Variants in ITGB2 observed in about 807,000 individuals in gnomAD.
The protein encoded by ITGB2 is integrin beta-2.
A neutral mutation model predicts 86.8 loss-of-function variants in ITGB2; 56 were observed. The ratio of observed to expected loss-of-function variants is 0.65; its 90% CI spans 0.52 to 0.81. ITGB2 has a LOEUF of 0.81. Ranked by LOEUF, ITGB2 falls within the 30% of genes least tolerant of loss-of-function variation. The probability of loss-of-function intolerance (pLI) is 0.00; values close to 1 mark genes in which losing one functional copy is unlikely to be tolerated. For synonymous variants in ITGB2, 457 were observed against 450.4 expected, an observed-to-expected ratio of 1.01 and a Z score of -0.19; for missense variants, 948 against 1,061.2, an observed-to-expected ratio of 0.89 and a Z score of 1.48.
chr21:44,907,047 G>T lies in ITGB2; in HGVS notation c.196C>A (p.Pro66Thr), dbSNP rs766175579. 12 of 1,612,376 alleles carry T rather than the reference G, an allele frequency of 7.4e-6. No individual in the cohort carries two copies. The East Asian group carries it at 2.7e-4, about 36-fold the overall frequency. ...DPDSIRCDTR[P>T]QLLMRGCAAD... ...GCACAGCCCCTCATGAGCAGCTGTG[G>T]CCGGGTGTCGCAGCGAATGGAGTCA... The change falls in exon 4 of 16, where the codon CCA (proline) becomes ACA (threonine). Residue 66 changes from proline (P) to threonine (T), a missense_variant. Pro to Thr is a conservative substitution (Grantham distance 38, BLOSUM62 -1). Coordinates refer to ENST00000652462, the MANE Select transcript of ITGB2 (RefSeq NM_000211.5).
chr21:44,902,670 C>A (rs552055713), intron 5 of ITGB2, among the ~76,000 whole-genome samples: 2 of 150,960 alleles, frequency 1.3e-5, no homozygotes, highest in Non-Finnish European at 2.9e-5. Flanking sequence ...CATGTGTGAG[C>A]GTGCATTTGC....
chr21:44,888,932 G>T, intron 13 of ITGB2, 37 bp from the exon 14 acceptor site: 2 of 1,586,178 alleles, frequency 1.3e-6, no homozygotes, highest in Non-Finnish European at 1.7e-6. Flanking sequence ...GTGCCAGGGT[G>T]TGCGGGGGCT....
At chr21:44,898,387 C>T (rs568557387) in intron 8 of ITGB2, among the ~76,000 whole-genome samples, 4 of 152,346 alleles carry the variant, frequency 2.6e-5, no homozygotes, top group East Asian at 1.9e-4. Flanking sequence ...CCTCCCACCT[C>T]GGGCAGCGGC....
In ITGB2 at chr21:44,889,348, T is replaced by G; in HGVS notation, c.1805A>C (p.Glu602Ala). Reference protein sequence around the residue: ...GRGRCRCNVCECHSGYQLPLC... With the variant: ...GRGRCRCNVCACHSGYQLPLC... ...AGGCAGCTGGTAGCCTGAATGGCAC[T>G]CGCATACGTTGCAGCGGCACCGGCC... Residue 602 changes from glutamate to alanine, a missense_variant, in exon 13 of 16, where the codon GAG becomes GCG. Coordinates refer to ENST00000652462, the MANE Select transcript of ITGB2 (RefSeq NM_000211.5). 6.2e-7 allele frequency: 1 copy of G among 1,612,794 alleles called. No homozygotes were observed. The highest frequency in any genetic ancestry group is 8.5e-7 in the Non-Finnish European group (1 of 1,179,858).
intron 8 of ITGB2, among the ~76,000 whole-genome samples, chr21:44,896,624 C>T (rs1172788123): frequency 6.6e-6 from 1 of 152,202 alleles, no homozygotes; most frequent in East Asian, 1.9e-4. Flanking sequence ...CCGCCCACTT[C>T]CATCCGTCCC....
upstream of ITGB2, among the ~76,000 whole-genome samples, chr21:44,921,882 C>G (rs937421565): frequency 1.3e-5 from 2 of 152,106 alleles, no homozygotes; most frequent in African/African-American, 4.8e-5. Flanking sequence ...TACCACCACG[C>G]CTGGGTAATT....
At chr21:44,895,123 T>A in intron 8 of ITGB2, 63 bp from the exon 9 acceptor site, 1 of 1,217,794 alleles carries the variant, frequency 8.2e-7, no homozygotes, top group Non-Finnish European at 1.2e-6. Flanking sequence ...CTCCACGCAC[T>A]GGGCTCACCC....
intron 10 of ITGB2, chr21:44,893,085 C>T (rs1368224093): frequency 2.8e-6 from 1 of 359,684 alleles, no homozygotes; most frequent in Non-Finnish European, 5.4e-6. Flanking sequence ...TCCCAGCACC[C>T]TCTCACTGAG....
intron 8 of ITGB2, 118 bp from the exon 9 acceptor site, chr21:44,895,178 C>A (rs1466820287): frequency 1.3e-6 from 1 of 760,642 alleles, no homozygotes; most frequent in Non-Finnish European, 2.3e-6. Flanking sequence ...GTCCTCAACG[C>A]AGTTTTGCAC....
In ITGB2 at chr21:44,889,407, G is replaced by A; in HGVS notation, c.1746C>T (p.Cys582=). 6.2e-7 allele frequency: 1 copy of A among 1,612,394 alleles called. No homozygotes were observed. Among genetic ancestry groups the A allele is most frequent in the Non-Finnish European group, 8.5e-7 (1 of 1,179,620 alleles). Residue 582 remains cysteine (C), a synonymous_variant, in exon 13 of 16, where the codon TGC becomes TGT. Transcript: ENST00000652462. ...TACACTCAACACGCCGCGGGTTCAG[G>A]CAGCCCTCAGTGGTCCTCTCGCACT... ...ACQCERTTEG[C]LNPRRVECSG... is the part of the protein sequence containing the mutation.
At chr21:44,889,822 G>T (rs2083758960) in intron 12 of ITGB2, among the ~76,000 whole-genome samples, 156 bp downstream of exon 12, 1 of 152,180 alleles carries the variant, frequency 6.6e-6, no homozygotes, top group Non-Finnish European at 1.5e-5. Flanking sequence ...GGCCATCCAA[G>T]TTCCTGCTGA....
chr21:44,897,698 G>A (rs1001109058), intron 8 of ITGB2, among the ~76,000 whole-genome samples: 33 of 152,208 alleles, frequency 2.2e-4, no homozygotes, highest in African/African-American at 6.8e-4. Context: ...CCACCCTGAA[G>A]AACGGGGCAC....
intron 4 of ITGB2, 62 bp from the exon 5 acceptor site, chr21:44,903,597 C>CGT: frequency 6.3e-7 from 1 of 1,597,348 alleles, no homozygotes; most frequent in Non-Finnish European, 8.5e-7. Flanking sequence ...TGTCTGGGGG[C>CGT]GTGTGGCCCC....
At chr21:44,911,288 A>G (rs2084128137) in intron 1 of ITGB2, 3 of 225,214 alleles carry the variant, frequency 1.3e-5, no homozygotes, top group Non-Finnish European at 1.8e-5. Context: ...GTACACACAC[A>G]TACACACCAC....
Position 44,915,663 on chromosome 21 carries a change from A to T in ITGB2, c.-3-4878T>A, listed in dbSNP as rs149812370. ...GATGGACTCATTTCTGCTTTGTAGG[A>T]ATGTGATAAAGAACTGGAGAGAAGT... On this transcript the variant is annotated intron_variant, in intron 1 of 15. Transcript: ENST00000652462. 2.7e-3 allele frequency among the ~76,000 whole-genome samples: 418 copies of T among 152,282 alleles called. 1 individual carries two copies. The highest frequency in any genetic ancestry group is 9.5e-3 in the African/African-American group (395 of 41,546).
chr21:44,894,669 G>C (rs1970054), intron 9 of ITGB2: 86,830 of 432,684 alleles, frequency 0.2, 9,490 homozygotes, highest in Middle Eastern at 0.3. Context: ...TGCCACCAGA[G>C]CTGTCCACCT....
At chr21:44,896,617 C>T (rs2083874995) in intron 8 of ITGB2, among the ~76,000 whole-genome samples, 1 of 152,212 alleles carries the variant, frequency 6.6e-6, no homozygotes, top group Non-Finnish European at 1.5e-5. Context: ...CCGCCCACCG[C>T]CCACTTCCAT....
chr21:44,910,557 C>T (rs1015531839), intron 2 of ITGB2, 168 bp downstream of exon 2: 1 of 1,406,624 alleles, frequency 7.1e-7, no homozygotes, highest in Non-Finnish European at 9.9e-7. Flanking sequence ...ACAGCTACAG[C>T]CTCCTGGCAC....
intron 9 of ITGB2, 92 bp downstream of exon 9, chr21:44,894,879 A>G: frequency 1.1e-6 from 1 of 925,942 alleles, no homozygotes; most frequent in Non-Finnish European, 1.8e-6. Context: ...CTCCCAGACC[A>G]CCCTCCTGCT....
Sources: gnomAD v4.1 joint callset for allele counts (sites outside exome capture counted in the v4.1 genomes callset) on GRCh38, gnomAD v4.1.1 for gene constraint, MANE v1.5 for transcripts, NCBI Gene and HGNC (gene_info 2026-07-23, HGNC 2026-07-21) for gene names.